Variants in EMSY observed in about 807,000 individuals in gnomAD.
EMSY encodes the protein BRCA2-interacting transcriptional repressor EMSY.
EMSY carries 26 observed loss-of-function variants against 134.6 expected under a neutral mutation model. That is an observed-to-expected ratio of 0.19 (90% CI 0.14 to 0.27). EMSY has a LOEUF of 0.27. Among genes scored for constraint, EMSY ranks in the 10% least tolerant of loss-of-function variants. The pLI is 1.00. For missense variants in EMSY, 1,305 were observed against 1,611.4 expected, an observed-to-expected ratio of 0.81 and a Z score of 3.26; for synonymous variants, 579 against 577.8, an observed-to-expected ratio of 1.00 and a Z score of -0.03.
chr11:76,521,570 C>G (rs1354402258), intron 11 of EMSY, among the ~76,000 whole-genome samples: 1 of 151,880 alleles, frequency 6.6e-6, no homozygotes, highest in African/African-American at 2.4e-5. Context: ...CAAGACCAAC[C>G]TGGGTAATGT....
chr11:76,523,710 T>C (rs1372855948), intron 12 of EMSY, among the ~76,000 whole-genome samples: 2 of 146,274 alleles, frequency 1.4e-5, no homozygotes, highest in Non-Finnish European at 3.0e-5. Context: ...CTTTCTTTTT[T>C]TTTTTTTTTT....
At chr11:76,522,079 A>G (rs903413674) in intron 11 of EMSY, among the ~76,000 whole-genome samples, 2 of 152,148 alleles carry the variant, frequency 1.3e-5, no homozygotes, top group Admixed American at 1.3e-4. Context: ...AAGACAAGGA[A>G]CAAATCAAAG....
intron 7 of EMSY, among the ~76,000 whole-genome samples, chr11:76,466,375 C>T (rs554385183): frequency 9.6e-4 from 146 of 152,246 alleles, no homozygotes; most frequent in African/African-American, 3.3e-3. Flanking sequence ...GGTTTTTACA[C>T]TCTTAGATAT....
intron 6 of EMSY, among the ~76,000 whole-genome samples, chr11:76,462,536 A>G (rs1462877489): frequency 2.0e-5 from 3 of 152,208 alleles, no homozygotes; most frequent in African/African-American, 7.2e-5. Context: ...AGCTTAGGGG[A>G]GAGGTGGATT....
chr11:76,451,890 C>T (rs1323334826), exon 3 of EMSY: 1 of 1,593,726 alleles, frequency 6.3e-7, no homozygotes. Context: ...TATCAGTGCA[C>T]TTCGGGCACA....
At chr11:76,502,791 C>G (rs1278276942) in intron 9 of EMSY, among the ~76,000 whole-genome samples, 1 of 152,028 alleles carries the variant, frequency 6.6e-6, no homozygotes, top group African/African-American at 2.4e-5. Context: ...AATTAAAGAT[C>G]TAAATAAATA....
At chr11:76,481,947 G>A (rs761960324) in intron 8 of EMSY, among the ~76,000 whole-genome samples, 10 of 152,190 alleles carry the variant, frequency 6.6e-5, no homozygotes, top group Non-Finnish European at 1.5e-4. Context: ...CATGCCTCCT[G>A]ACTGGGAGAC....
At chr11:76,539,170 C>G (rs1057426962) in intron 16 of EMSY, among the ~76,000 whole-genome samples, 1 of 152,088 alleles carries the variant, frequency 6.6e-6, no homozygotes, top group Non-Finnish European at 1.5e-5. Context: ...CTCTTTTGAA[C>G]ACTTTATTAC....
intron 11 of EMSY, among the ~76,000 whole-genome samples, chr11:76,521,989 A>ACTCC (rs1950654622): frequency 6.6e-6 from 1 of 152,078 alleles, no homozygotes; most frequent in Non-Finnish European, 1.5e-5. Context: ...GCTCCACTCC[A>ACTCC]CTCCCGTCTG....
chr11:76,446,852 T>TGTACTTTG (rs1014843151), intron 1 of EMSY, 48 bp from the exon 2 acceptor site: 8 of 1,293,374 alleles, frequency 6.2e-6, no homozygotes, highest in Non-Finnish European at 7.7e-6. Context: ...GCCCCTTGAA[T>TGTACTTTG]GTACTTTGGT....
intron 16 of EMSY, among the ~76,000 whole-genome samples, chr11:76,538,212 G>A (rs998920890): frequency 6.6e-6 from 1 of 152,138 alleles, no homozygotes; most frequent in Non-Finnish European, 1.5e-5. Context: ...CAGTTGTAGG[G>A]AGAGGATAAA....
At chr11:76,537,974 T>C (rs1343997733) in intron 16 of EMSY, 24 bp downstream of exon 17, 2 of 1,578,070 alleles carry the variant, frequency 1.3e-6, no homozygotes, top group Admixed American at 1.8e-5. Flanking sequence ...TAAAATGTAG[T>C]ATTAAGGTAG....
chr11:76,455,593 G>A (rs1947839673), intron 4 of EMSY, among the ~76,000 whole-genome samples: 1 of 152,076 alleles, frequency 6.6e-6, no homozygotes, highest in African/African-American at 2.4e-5. Flanking sequence ...AGGCCTGAAG[G>A]AATGTGGTTG....
exon 21 of EMSY, chr11:76,551,485 A>G (rs1012282057): frequency 6.5e-6 from 1 of 152,710 alleles, no homozygotes; most frequent in Non-Finnish European, 1.5e-5. Context: ...TAATTTTTGC[A>G]TCTACATCTG....
intron 8 of EMSY, among the ~76,000 whole-genome samples, chr11:76,478,033 C>T (rs1300050592): frequency 5.3e-5 from 8 of 152,132 alleles, no homozygotes; most frequent in Admixed American, 1.3e-4. Flanking sequence ...CTTCCAATTA[C>T]GTTGTTTCCA....
chr11:76,531,656 G>A (rs1472893931), intron 14 of EMSY, among the ~76,000 whole-genome samples: 1 of 152,096 alleles, frequency 6.6e-6, no homozygotes, highest in Non-Finnish European at 1.5e-5. Context: ...TTCCCTTTCA[G>A]ATTAATTGTA....
rs191715155 is a variant in EMSY at position 76,484,486 on chromosome 11, A to G, written c.1108+11646A>G. ...AGCTGGTTTTTTGAAAGGATTAACAAGATAGAAAGACTGCTAGCCAGTCTA... is the reference window on the plus strand; with the variant it reads ...AGCTGGTTTTTTGAAAGGATTAACAGGATAGAAAGACTGCTAGCCAGTCTA... On this transcript the variant is annotated intron_variant, in intron 8 of 20. Coordinates refer to ENST00000334736, the Ensembl canonical transcript of EMSY. Among the ~76,000 whole-genome samples the G allele has an allele frequency of 4.7e-3, 714 of 152,358 alleles. 5 individuals carry two copies. The highest frequency in any genetic ancestry group is 0.017 in the Middle Eastern group (5 of 294).
intron 17 of EMSY, chr11:76,541,939 A>G: frequency 3.4e-6 from 2 of 590,600 alleles, no homozygotes; most frequent in Non-Finnish European, 3.0e-6. Context: ...TTGTGATAAG[A>G]GTTTTCACAG....
In EMSY at chr11:76,539,409, G is replaced by A. The variant is rs1438424124; in HGVS notation, c.2516-190G>A. ...TTATTAAGACTAATGGGTTAAAATT[G>A]CCAAAGGGGAAAATCCAGGTAAGAT... On this transcript the variant is annotated intron_variant, in intron 16 of 20. Transcript: ENST00000334736. Among the ~76,000 whole-genome samples the A allele has an allele frequency of 1.3e-5, 2 of 152,146 alleles. 1 individual carries two copies. Among genetic ancestry groups the A allele is most frequent in the South Asian group, 4.1e-4 (2 of 4,828 alleles).
Sources: gnomAD v4.1 joint callset for allele counts (sites outside exome capture counted in the v4.1 genomes callset) on GRCh38, gnomAD v4.1.1 for gene constraint, MANE v1.5 for transcripts, NCBI Gene and HGNC (gene_info 2026-07-23, HGNC 2026-07-21) for gene names.